The following PPFIBP2 variants were observed in gnomAD, a reference collection of about 807,000 sequenced individuals.
The protein encoded by PPFIBP2 is PPFIB scaffold protein 2.
Under a neutral mutation model 118.3 loss-of-function variants are expected in PPFIBP2, and 118 were observed. The observed-to-expected ratio is 1.00, with a 90% confidence interval of 0.86 to 1.16. PPFIBP2 has a LOEUF of 1.16. Ranked by LOEUF, PPFIBP2 falls within the 50% of genes most tolerant of loss-of-function variation. The pLI is 0.00. For synonymous variants in PPFIBP2, 414 were observed against 397.4 expected, an observed-to-expected ratio of 1.04 and a Z score of -0.50; for missense variants, 1,195 against 1,073.1, an observed-to-expected ratio of 1.11 and a Z score of -1.59.
At chr11:7,610,505 G>C (rs1847937168) in intron 6 of PPFIBP2, 83 bp downstream of exon 6, 1 of 1,559,034 alleles carries the variant, frequency 6.4e-7, no homozygotes, top group Non-Finnish European at 8.7e-7. Flanking sequence ...TCAACTCCCA[G>C]CCTGGAAGCT....
At position 7,596,445 on chromosome 11, in the gene PPFIBP2, G is replaced by A. The variant is rs557431989; in HGVS notation, c.373-1115G>A. 8.4e-4 allele frequency among the ~76,000 whole-genome samples: 125 copies of A among 149,480 alleles called. 1 individual carries two copies. Among genetic ancestry groups the A allele is most frequent in the African/African-American group, 2.8e-3 (115 of 40,462 alleles). ...GTTAAAAGTGGAATGTTAACCATGTGTCAACTCCAGGAATATGTTTCAATA... is the reference window on the plus strand; with the variant it reads ...GTTAAAAGTGGAATGTTAACCATGTATCAACTCCAGGAATATGTTTCAATA... On this transcript the variant is annotated intron_variant, in intron 4 of 23. Coordinates refer to ENST00000299492, the MANE Select transcript of PPFIBP2 (RefSeq NM_003621.5).
chr11:7,534,860 C>T (rs1851059729), intron 1 of PPFIBP2, among the ~76,000 whole-genome samples: 1 of 152,238 alleles, frequency 6.6e-6, no homozygotes. Flanking sequence ...GCCTTCCTGG[C>T]CTTACCCCAC....
At chr11:7,638,690 T>C (rs1236800099) in intron 14 of PPFIBP2, among the ~76,000 whole-genome samples, 1 of 152,234 alleles carries the variant, frequency 6.6e-6, no homozygotes, top group Non-Finnish European at 1.5e-5. Context: ...CACAGTTGAT[T>C]CCTTTAGTGA....
In PPFIBP2 at chr11:7,611,994, G is replaced by A. The variant is rs1325782330; in HGVS notation, c.618+1572G>A. Among the ~76,000 whole-genome samples the A allele has an allele frequency of 5.9e-5, 9 of 152,304 alleles. No individual in the cohort carries two copies. The South Asian group carries it at 1.0e-3, about 18-fold the overall frequency. ...GTATGTGAACATACATTAGGACTTTGGGGGCAGAATTCCATAAACTCTGTG... is the reference window on the plus strand; with the variant it reads ...GTATGTGAACATACATTAGGACTTTAGGGGCAGAATTCCATAAACTCTGTG... On this transcript the variant is annotated intron_variant, in intron 6 of 23. Transcript: ENST00000299492.
intron 1 of PPFIBP2, among the ~76,000 whole-genome samples, chr11:7,531,798 T>A (rs1850714658): frequency 6.6e-6 from 1 of 152,176 alleles, no homozygotes. Flanking sequence ...GTTGGTTTCT[T>A]TTGGGGCCTC....
rs570472648 is a variant in PPFIBP2 at position 7,649,232 on chromosome 11, T to C, written c.1995T>C (p.Thr665=). 2 of 1,611,688 alleles carry C rather than the reference T, an allele frequency of 1.2e-6. No homozygotes were observed. Among genetic ancestry groups the C allele is most frequent in the East Asian group, 2.2e-5 (1 of 44,882 alleles). Residue 665 remains threonine (T), a synonymous_variant, in exon 20 of 24, where the codon ACT becomes ACC. Transcript: ENST00000299492. ...ACAGACGAATGCTGCAATACCTAAC[T>C]GTGGTGAGGACTTTTTCTTTAAATA... The part of the protein sequence containing the change: ...RVDRRMLQYL[T]VNDLLFLKVT...
At chr11:7,650,764 C>T (rs1853869595) in intron 21 of PPFIBP2, 76 bp from the exon 22 acceptor site, 2 of 1,517,284 alleles carry the variant, frequency 1.3e-6, no homozygotes, top group Non-Finnish European at 1.8e-6. Context: ...GGGTTACTTA[C>T]CGGGGCTGAC....
chr11:7,609,219 AGTGTTGAGATTGCCATTCTTGTG>A (rs1322988835), intron 5 of PPFIBP2, among the ~76,000 whole-genome samples: 2 of 152,140 alleles, frequency 1.3e-5, no homozygotes, highest in Non-Finnish European at 2.9e-5. Context: ...TTTGAGTCAG[AGTGTTGAGATTGCCATTCTTGTG>A]CTGAGCTTGG....
At chr11:7,574,062 CAG>C (rs764757896) in intron 3 of PPFIBP2, 1 of 152,142 alleles carries the variant, frequency 6.6e-6, no homozygotes, top group Non-Finnish European at 1.5e-5. Flanking sequence ...GACCCTAGGA[CAG>C]GGGTGGAGCA....
intron 17 of PPFIBP2, among the ~76,000 whole-genome samples, chr11:7,644,177 T>G (rs1346259323): frequency 6.6e-6 from 1 of 152,220 alleles, no homozygotes; most frequent in Non-Finnish European, 1.5e-5. Flanking sequence ...AAGTCATGTC[T>G]AGTAATTGTG....
chr11:7,614,083 T>G (rs1254380043), intron 6 of PPFIBP2, among the ~76,000 whole-genome samples: 1 of 152,216 alleles, frequency 6.6e-6, no homozygotes, highest in Admixed American at 6.5e-5. Flanking sequence ...CTGGGAAGAT[T>G]GTGTTTGCTC....
At chr11:7,559,937 AT>A (rs939827513) in intron 2 of PPFIBP2, among the ~76,000 whole-genome samples, 2 of 152,036 alleles carry the variant, frequency 1.3e-5, no homozygotes, top group Admixed American at 6.5e-5. Context: ...ATAAAATAAA[AT>A]AAGAGTGTTA....
chr11:7,622,335 A>G (rs1194321301), intron 7 of PPFIBP2, among the ~76,000 whole-genome samples: 1 of 152,160 alleles, frequency 6.6e-6, no homozygotes, highest in Non-Finnish European at 1.5e-5. Flanking sequence ...CCCATGATCC[A>G]TTCACCTCCT....
rs1046552992 is a variant in PPFIBP2, at chr11:7,650,687, G to A, written c.2122-153G>A. ...TATTTCCTAGAAACTGGGGAGGCTG[G>A]TGCTCTGGCAGATGGGGTGGGTCAC... On this transcript the variant is annotated intron_variant, in intron 21 of 23. Coordinates refer to ENST00000299492, the MANE Select transcript of PPFIBP2 (RefSeq NM_003621.5). 28 of 646,830 alleles carry A rather than the reference G, an allele frequency of 4.3e-5. No homozygotes were observed. The East Asian group carries it at 8.1e-4, about 19-fold the overall frequency. The allele number at this position is 646,830 out of a possible 1,614,324, so 40.1% of individuals were successfully genotyped here. A position where few individuals can be genotyped will look rare whatever the true frequency, so the allele number is the denominator to read the frequency against.
chr11:7,637,037 T>C (rs1022266855), intron 14 of PPFIBP2, among the ~76,000 whole-genome samples: 1 of 152,208 alleles, frequency 6.6e-6, no homozygotes, highest in Non-Finnish European at 1.5e-5. Flanking sequence ...AAAATGTGCA[T>C]CTGCTGATCC....
At chr11:7,608,632 C>T (rs962234592) in intron 5 of PPFIBP2, among the ~76,000 whole-genome samples, 3 of 151,798 alleles carry the variant, frequency 2.0e-5, no homozygotes, top group African/African-American at 4.8e-5. Flanking sequence ...AAGAGCGAAA[C>T]GCTGTCTCAA....
At chr11:7,527,602 C>T (rs969776456) in intron 1 of PPFIBP2, among the ~76,000 whole-genome samples, 3 of 152,100 alleles carry the variant, frequency 2.0e-5, no homozygotes, top group African/African-American at 7.3e-5. Context: ...CTTACTCAAA[C>T]AGATAGTAGT....
At chr11:7,562,832 T>C (rs1854444070) in intron 2 of PPFIBP2, among the ~76,000 whole-genome samples, 1 of 151,132 alleles carries the variant, frequency 6.6e-6, no homozygotes, top group African/African-American at 2.4e-5. Context: ...GGACAAAATA[T>C]TTATCTTTTC....
chr11:7,541,811 C>T (rs917519704), intron 1 of PPFIBP2, among the ~76,000 whole-genome samples: 1 of 152,164 alleles, frequency 6.6e-6, no homozygotes, highest in South Asian at 2.1e-4. Flanking sequence ...GATTTCACCC[C>T]CAGACACCCC....
Sources: allele counts gnomAD v4.1 joint callset (sites outside exome capture counted in the v4.1 genomes callset), GRCh38; gene constraint gnomAD v4.1.1; transcripts MANE v1.5; gene names NCBI Gene and HGNC (gene_info 2026-07-23, HGNC 2026-07-21).